The following GTF3C1 variants were observed in gnomAD, a reference collection of about 807,000 sequenced individuals.
GTF3C1 encodes the protein general transcription factor IIIC subunit 1.
Under a neutral mutation model 226.7 loss-of-function variants are expected in GTF3C1, and 57 were observed. The ratio of observed to expected loss-of-function variants is 0.25; its 90% CI spans 0.20 to 0.31. GTF3C1 has a LOEUF of 0.31. GTF3C1 is among the 10% of genes least tolerant of loss of function. The pLI is 1.00. For synonymous variants in GTF3C1, 1,090 were observed against 1,084.8 expected, an observed-to-expected ratio of 1.00 and a Z score of -0.09; for missense variants, 2,217 against 2,776.1, an observed-to-expected ratio of 0.80 and a Z score of 4.53.
At chr16:27,544,472 G>A (rs951141235) in intron 2 of GTF3C1, among the ~76,000 whole-genome samples, 1 of 151,850 alleles carries the variant, frequency 6.6e-6, no homozygotes, top group Non-Finnish European at 1.5e-5. Flanking sequence ...GCTGGGGGAG[G>A]GGAGGAGGAG....
chr16:27,548,945 G>A (rs2089217465), intron 1 of GTF3C1, among the ~76,000 whole-genome samples: 3 of 152,190 alleles, frequency 2.0e-5, no homozygotes, highest in Admixed American at 2.0e-4. Flanking sequence ...TCTGAGGTCA[G>A]GAGTTCGCGA....
intron 23 of GTF3C1, among the ~76,000 whole-genome samples, 190 bp downstream of exon 23, chr16:27,488,037 G>A (rs1242017878): frequency 6.6e-6 from 1 of 152,200 alleles, no homozygotes. Flanking sequence ...CGGGATATTC[G>A]AGTCTCTCTC....
At position 27,464,577 on chromosome 16, in the gene GTF3C1, T is replaced by A; in HGVS notation, c.5615A>T (p.Glu1872Val). 6.7e-7 allele frequency: 1 copy of A among 1,487,478 alleles called. No individual in the cohort carries two copies. Among genetic ancestry groups the A allele is most frequent in the Non-Finnish European group, 8.9e-7 (1 of 1,117,738 alleles). 92.1% of individuals were successfully genotyped at this position (1,487,478 alleles called of 1,614,324 possible). A position where few individuals can be genotyped will look rare whatever the true frequency, so the allele number is the denominator to read the frequency against. The change falls in exon 34 of 37, where the codon GAG becomes GTG. Residue 1872 changes from glutamate (E) to valine (V), a missense_variant. Physicochemically the swap from Glu to Val is moderately radical, Grantham distance 121. Around this residue, in one of 12 missense-constraint regions of GTF3C1, gnomAD observed 455 missense variants for 441.9 expected, o/e 1.03. Transcript: ENST00000356183. ...CATCTGGGTGCCCTCGGCGTCGGTC[T>A]CCCCATTCTCACTGGCCCAGCTGGC... is the stretch of plus-strand genomic sequence containing the variant. Reference protein sequence around the residue: ...RRASWASENGETDAEGTQMTP... With the variant: ...RRASWASENGVTDAEGTQMTP...
At chr16:27,509,301 T>C (rs560755227) in intron 7 of GTF3C1, among the ~76,000 whole-genome samples, 75 of 152,306 alleles carry the variant, frequency 4.9e-4, no homozygotes, top group African/African-American at 1.7e-3. Flanking sequence ...ATTGTGAGTA[T>C]ATCTGCCGCT....
chr16:27,464,284 G>C (rs994540742), intron 34 of GTF3C1, 36 bp downstream of exon 34: 8 of 1,375,560 alleles, frequency 5.8e-6, no homozygotes, highest in East Asian at 5.4e-5. Context: ...AAGCCAGGGT[G>C]GGGTGAGGTG....
Position 27,537,766 on chromosome 16 carries a change from G to T in GTF3C1, c.752+18C>A, listed in dbSNP as rs933746829. The T allele has an allele frequency of 6.3e-7, 1 of 1,578,450 alleles. No homozygotes were observed. Among genetic ancestry groups the T allele is most frequent in the East Asian group, 2.2e-5 (1 of 44,656 alleles). On this transcript the variant is annotated intron_variant, in intron 4 of 36. Transcript: ENST00000356183. ...CTGCAACTAAAAAACCTAATGTTTT[G>T]GTCACTACAAACCATACCTGTCCAC... is the stretch of plus-strand genomic sequence containing the variant.
In GTF3C1 at chr16:27,469,286, C is replaced by T; in HGVS notation, c.5074+5G>A. 6.4e-7 allele frequency: 1 copy of T among 1,552,552 alleles called. No individual in the cohort carries two copies. The highest frequency in any genetic ancestry group is 8.7e-7 in the Non-Finnish European group (1 of 1,146,196). ...CCCTCCCACAGCACCAGCAGGAGCA[C>T]TCACCAGCGGGCCTGAGCCGGGCGG... On this transcript the variant is annotated splice_donor_5th_base_variant and intron_variant, in intron 32 of 36. Coordinates refer to ENST00000356183, the MANE Select transcript of GTF3C1 (RefSeq NM_001520.4). The surrounding 1 kb of genome is among the most constrained non-coding windows in gnomAD (Gnocchi z 4.5).
Position 27,511,821 on chromosome 16 carries a change from C to A in GTF3C1, c.1054G>T (p.Val352Phe), listed in dbSNP as rs761133580. ...ACTGGAGGCACTGTCTTGGAGATGACCTCCTCGTCCTCGTCATCATCATGG... is the reference window on the plus strand; with the variant it reads ...ACTGGAGGCACTGTCTTGGAGATGAACTCCTCGTCCTCGTCATCATCATGG... The part of the protein sequence containing the change: ...NDHDDDEDEE[V>F]ISKTVPPVDI... The change falls in exon 7 of 37, where the codon GTC becomes TTC. Residue 352 changes from valine to phenylalanine, a missense_variant. By Grantham distance (50) the Val-to-Phe change is conservative. Coordinates refer to ENST00000356183, the MANE Select transcript of GTF3C1 (RefSeq NM_001520.4). 4.3e-6 allele frequency: 7 copies of A among 1,614,146 alleles called. No individual in the cohort carries two copies. The highest frequency in any genetic ancestry group is 5.9e-6 in the Non-Finnish European group (7 of 1,180,018).
At chr16:27,468,441 G>A (rs1168103072) in intron 32 of GTF3C1, among the ~76,000 whole-genome samples, 3 of 152,088 alleles carry the variant, frequency 2.0e-5, no homozygotes, top group African/African-American at 7.2e-5. Context: ...GGAAGGCCCC[G>A]TCTCTACAAA....
intron 1 of GTF3C1, among the ~76,000 whole-genome samples, 168 bp from the exon 2 acceptor site, chr16:27,545,691 ATC>A (rs973432491): frequency 2.6e-5 from 4 of 152,158 alleles, no homozygotes; most frequent in Non-Finnish European, 5.9e-5. Context: ...CTGCCTTTCT[ATC>A]CCACAGAACG....
intron 2 of GTF3C1, among the ~76,000 whole-genome samples, 194 bp downstream of exon 2, chr16:27,545,120 G>A (rs2089144272): frequency 6.6e-6 from 1 of 152,158 alleles, no homozygotes; most frequent in Admixed American, 6.5e-5. Context: ...GGGATTATGG[G>A]CATGTGCCAC....
intron 4 of GTF3C1, among the ~76,000 whole-genome samples, chr16:27,534,407 A>G (rs913303101): frequency 6.6e-6 from 1 of 151,984 alleles, no homozygotes; most frequent in Admixed American, 6.5e-5. Context: ...AGCAGAAGGG[A>G]GAGCACACGT....
chr16:27,481,502 C>T (rs2088047905), intron 26 of GTF3C1, among the ~76,000 whole-genome samples: 1 of 152,124 alleles, frequency 6.6e-6, no homozygotes. Flanking sequence ...TCAAACGTGC[C>T]CCACACAGTG....
chr16:27,494,760 T>C lies in GTF3C1; in HGVS notation c.2778+3A>G, dbSNP rs1221793813. On this transcript the variant is annotated splice_donor_region_variant and intron_variant, in intron 16 of 36. Transcript: ENST00000356183. Reference sequence around the variant, plus strand: ...CTGTGATAATGGCTCCTGTCACCAATACCTTGTAGCTGACTTGCACAATCT... The same window carrying C: ...CTGTGATAATGGCTCCTGTCACCAACACCTTGTAGCTGACTTGCACAATCT... 1 of 1,609,658 alleles carries C rather than the reference T, an allele frequency of 6.2e-7. No individual in the cohort carries two copies. Among genetic ancestry groups the C allele is most frequent in the Non-Finnish European group, 8.5e-7 (1 of 1,175,910 alleles).
intron 9 of GTF3C1, 90 bp downstream of exon 9, chr16:27,506,757 C>A (rs117502590): frequency 1.1e-6 from 1 of 900,692 alleles, no homozygotes; most frequent in African/African-American, 1.7e-5. Flanking sequence ...CAAGGGCAAC[C>A]GCAGGTGTTT....
At chr16:27,485,148 C>G (rs2088118186) in intron 24 of GTF3C1, among the ~76,000 whole-genome samples, 1 of 152,234 alleles carries the variant, frequency 6.6e-6, no homozygotes, top group South Asian at 2.1e-4. Context: ...GATGAGAGAA[C>G]AGGGGACAAG....
At chr16:27,545,184 C>A in intron 2 of GTF3C1, 130 bp downstream of exon 2, 2 of 710,502 alleles carry the variant, frequency 2.8e-6, no homozygotes, top group Non-Finnish European at 5.0e-6. Context: ...GCCATGTTGG[C>A]CAGGCTGGTC....
At position 27,471,227 on chromosome 16, in the gene GTF3C1, G is replaced by C. The variant is rs924243014; in HGVS notation, c.4526+521C>G. Among the ~76,000 whole-genome samples the C allele has an allele frequency of 1.3e-5, 2 of 152,244 alleles. No individual in the cohort carries two copies. Among genetic ancestry groups the C allele is most frequent in the Non-Finnish European group, 2.9e-5 (2 of 68,042 alleles). On this transcript the variant is annotated intron_variant, in intron 30 of 36. Coordinates refer to ENST00000356183, the MANE Select transcript of GTF3C1 (RefSeq NM_001520.4). This position sits in a 1 kb window ranked among gnomAD's most constrained non-coding sequence, Gnocchi z 5.0. Reference sequence around the variant, plus strand: ...TTAGGAATGTTCTCAGGGACTCTCTGCGTGTGGTCAGGAGGCTGGTGGTGC... The same window carrying C: ...TTAGGAATGTTCTCAGGGACTCTCTCCGTGTGGTCAGGAGGCTGGTGGTGC...
intron 1 of GTF3C1, among the ~76,000 whole-genome samples, 192 bp downstream of exon 1, chr16:27,549,478 A>G: frequency 6.6e-6 from 1 of 150,764 alleles, no homozygotes; most frequent in Admixed American, 6.6e-5. Context: ...TCCCCCCGCC[A>G]ACTCCATCGG....
Sources: gnomAD v4.1 joint callset for allele counts (sites outside exome capture counted in the v4.1 genomes callset) on GRCh38, gnomAD v4.1.1 for gene constraint, gnomAD v4.1.1 regional missense constraint, Gnocchi (gnomAD v3.1) non-coding constraint, MANE v1.5 for transcripts, NCBI Gene and HGNC (gene_info 2026-07-23, HGNC 2026-07-21) for gene names.